Variants in RUFY1 observed in about 807,000 individuals in gnomAD.
RUFY1 encodes RUN and FYVE domain-containing protein 1.
RUFY1 carries 54 observed loss-of-function variants against 94.6 expected under a neutral mutation model. That is an observed-to-expected ratio of 0.57 (90% confidence interval 0.46 to 0.72). The LOEUF is 0.72. Ranked by LOEUF, RUFY1 falls within the 30% of genes least tolerant of loss-of-function variation. RUFY1 has a pLI of 0.00. For missense variants in RUFY1, 883 were observed against 883.9 expected (o/e 1.00, Z 0.01); for synonymous variants, 396 against 347.3 (o/e 1.14, Z -1.56).
intron 5 of RUFY1, among the ~76,000 whole-genome samples, chr5:179,573,188 C>T (rs576194095): frequency 1.3e-5 from 2 of 152,246 alleles, no homozygotes; most frequent in South Asian, 4.1e-4. Flanking sequence ...GGTAGTTAAG[C>T]GCCTGCCTAC....
rs781321513 is a variant in RUFY1 at position 179,591,736 on chromosome 5, C to A, written c.1240C>A (p.Arg414=). Residue 414 remains arginine (R), a synonymous_variant, in exon 10 of 18, where the codon CGG becomes AGG. Coordinates refer to ENST00000319449, the MANE Select transcript of RUFY1 (RefSeq NM_025158.5). ...GCAGCTAAAAGAGGAGAAGAAAGTC[C>A]GGTTGGTGAGTGTGCAAGACCGAGT... The part of the protein sequence containing the change: ...WKQLKEEKKV[R]LELEKELELQ... The A allele has an allele frequency of 6.3e-7, 1 of 1,593,374 alleles. No individual in the cohort carries two copies. The highest frequency in any genetic ancestry group is 1.7e-5 in the Admixed American group (1 of 57,848).
intron 4 of RUFY1, 23 bp from the exon 5 acceptor site, chr5:179,569,279 C>T: frequency 1.9e-6 from 3 of 1,613,610 alleles, no homozygotes; most frequent in Non-Finnish European, 2.5e-6. Context: ...TGAGCATCGC[C>T]CTGTCCTGTC....
chr5:179,583,194 C>T (rs939520548), intron 7 of RUFY1, among the ~76,000 whole-genome samples: 30 of 149,930 alleles, frequency 2.0e-4, no homozygotes, highest in Admixed American at 6.7e-5. Flanking sequence ...CCCAGCTGCT[C>T]GAGGCTGAGG....
chr5:179,592,608 A>G (rs1165516052), intron 10 of RUFY1, among the ~76,000 whole-genome samples: 4 of 152,156 alleles, frequency 2.6e-5, no homozygotes, highest in Non-Finnish European at 5.9e-5. Context: ...TTCTTTGACA[A>G]TACAATTCTC....
intron 5 of RUFY1, among the ~76,000 whole-genome samples, chr5:179,573,371 TC>T (rs1763361068): frequency 6.6e-6 from 1 of 152,198 alleles, no homozygotes; most frequent in Non-Finnish European, 1.5e-5. Flanking sequence ...TATAGTGTGT[TC>T]TTCAAACACA....
intron 13 of RUFY1, 114 bp from the exon 14 acceptor site, chr5:179,598,578 G>A (rs923195904): frequency 5.8e-5 from 72 of 1,237,056 alleles, no homozygotes; most frequent in Non-Finnish European, 8.1e-5. Context: ...GAAGGCTTTA[G>A]ATGCTCAAGA....
At chr5:179,581,118 C>A in intron 7 of RUFY1, 106 bp downstream of exon 7, 1 of 695,774 alleles carries the variant, frequency 1.4e-6, no homozygotes, top group Non-Finnish European at 2.5e-6. Context: ...TGTTTCCAAA[C>A]CAAGACAAAA....
Position 179,609,481 on chromosome 5 carries a change from A to G in RUFY1, c.2089A>G (p.Thr697Ala), listed in dbSNP as rs773515103. Residue 697 changes from threonine to alanine, a missense_variant, in exon 18 of 18, where the codon ACC becomes GCC. Transcript: ENST00000319449. ...KPVRVCDSCHTLLLQRCSSTA... is the reference protein window; with the variant it reads ...KPVRVCDSCHALLLQRCSSTA... ...GGTGCGAGTGTGCGACAGCTGCCAC[A>G]CCCTGCTCCTGCAGCGCTGCTCCTC... 9 of 1,610,572 alleles carry G rather than the reference A, an allele frequency of 5.6e-6. No individual in the cohort carries two copies. The highest frequency in any genetic ancestry group is 2.2e-5 in the East Asian group (1 of 44,862).
At chr5:179,578,443 T>C (rs1763831398) in intron 6 of RUFY1, among the ~76,000 whole-genome samples, 2 of 151,916 alleles carry the variant, frequency 1.3e-5, no homozygotes, top group Admixed American at 1.3e-4. Context: ...GGTCTTGAAC[T>C]CCTGGCCTCA....
Position 179,560,240 on chromosome 5 carries a change from G to C in RUFY1, c.484+42G>C, listed in dbSNP as rs748296211. The C allele has an allele frequency of 1.9e-6, 3 of 1,597,032 alleles. No individual in the cohort carries two copies. The South Asian group carries it at 3.4e-5, about 18-fold the overall frequency. ...GTTTGGGAGCGTGGAAGTTCGGGCTGGGTGTTTGCTCAGCATTTTTTCATC... is the reference window on the plus strand; with the variant it reads ...GTTTGGGAGCGTGGAAGTTCGGGCTCGGTGTTTGCTCAGCATTTTTTCATC... On this transcript the variant is annotated intron_variant, in intron 2 of 17. Coordinates refer to ENST00000319449, the MANE Select transcript of RUFY1 (RefSeq NM_025158.5).
intron 16 of RUFY1, 38 bp from the exon 17 acceptor site, chr5:179,607,544 G>A (rs1183836128): frequency 6.3e-7 from 1 of 1,592,220 alleles, no homozygotes; most frequent in African/African-American, 1.3e-5. Flanking sequence ...CAGGGGCTTA[G>A]ACAGAAAGTG....
At position 179,601,793 on chromosome 5, in the gene RUFY1, T is replaced by C. The variant is rs555069154; in HGVS notation, c.1762-99T>C. 150 of 875,990 alleles carry C rather than the reference T, an allele frequency of 1.7e-4. No individual in the cohort carries two copies. In the African/African-American group the frequency reaches 2.4e-3, roughly 14 times the overall value. The allele number at this position is 875,990 out of a possible 1,614,324, so 54.3% of individuals were successfully genotyped here. On this transcript the variant is annotated intron_variant, in intron 14 of 17. Coordinates refer to ENST00000319449, the MANE Select transcript of RUFY1 (RefSeq NM_025158.5). The stretch of plus-strand genomic sequence containing the variant: ...AAGATCGTGCCACTGCACTCCAGCC[T>C]GGCAACAGAGCAAGACCCTGTCTCA...
chr5:179,608,278 T>A, intron 17 of RUFY1: 3 of 987,222 alleles, frequency 3.0e-6, no homozygotes, highest in Non-Finnish European at 3.6e-6. Flanking sequence ...TCTGTTCCCA[T>A]CAACAGCCTA....
At chr5:179,607,560 T>C (rs1767236124) in intron 16 of RUFY1, 22 bp from the exon 17 acceptor site, 1 of 1,611,800 alleles carries the variant, frequency 6.2e-7, no homozygotes, top group African/African-American at 1.3e-5. Flanking sequence ...AAGTGGATTC[T>C]AGAATGTCCT....
chr5:179,609,086 G>GC (rs1211738849), intron 17 of RUFY1, among the ~76,000 whole-genome samples: 1 of 151,086 alleles, frequency 6.6e-6, no homozygotes, highest in Non-Finnish European at 1.5e-5. Context: ...AGGTATAGTG[G>GC]CGGGCACCTG....
At position 179,593,237 on chromosome 5, in the gene RUFY1, C is replaced by G. The variant is rs112221109; in HGVS notation, c.1246-241C>G. Among the ~76,000 whole-genome samples the G allele has an allele frequency of 2.7e-4, 41 of 152,268 alleles. 1 individual carries two copies. In the East Asian group the frequency reaches 7.9e-3, roughly 29 times the overall value. ...GGATTACAGGCGCATGCCACCACAC[C>G]CAGCTAATTTTTGTATTTTTAGTAG... On this transcript the variant is annotated intron_variant, in intron 10 of 17. Transcript: ENST00000319449.
intron 8 of RUFY1, among the ~76,000 whole-genome samples, 153 bp downstream of exon 8, chr5:179,586,018 G>GTTCTGCTCTGTCCGAGGCTCTCA (rs1383466260): frequency 6.6e-6 from 1 of 152,202 alleles, no homozygotes; most frequent in African/African-American, 2.4e-5. Flanking sequence ...GAATGTCTGT[G>GTTCTGCTCTGTCCGAGGCTCTCA]TTCTGCTCTG....
chr5:179,596,154 C>T (rs990679895), intron 12 of RUFY1: 10 of 285,572 alleles, frequency 3.5e-5, no homozygotes, highest in Admixed American at 1.0e-4. Flanking sequence ...ATGACTCAGC[C>T]GTAGAAAGGA....
intron 3 of RUFY1, among the ~76,000 whole-genome samples, chr5:179,564,421 T>C (rs1488671990): frequency 1.7e-5 from 1 of 60,276 alleles, no homozygotes; most frequent in Non-Finnish European, 3.2e-5. Flanking sequence ...TGCCTGGCTG[T>C]TTTTTTTTTT....
Sources: allele counts gnomAD v4.1 joint callset (sites outside exome capture counted in the v4.1 genomes callset), GRCh38; gene constraint gnomAD v4.1.1; transcripts MANE v1.5; gene names NCBI Gene and HGNC (gene_info 2026-07-23, HGNC 2026-07-21).